TEX11: variants seen among roughly 807,000 people sequenced by gnomAD.
The protein encoded by TEX11 is testis expressed 11.
In TEX11, 7 loss-of-function variants were observed where a neutral mutation model predicts 84.4. The ratio of observed to expected loss-of-function variants is 0.08; its 90% CI spans 0.05 to 0.16. TEX11 has a LOEUF of 0.16. Among genes scored for constraint, TEX11 ranks in the 10% least tolerant of loss-of-function variants. The pLI is 1.00. For synonymous variants in TEX11, 264 were observed against 222.8 expected, an observed-to-expected ratio of 1.18 and a Z score of -1.64; for missense variants, 551 against 660.5, an observed-to-expected ratio of 0.83 and a Z score of 1.82.
chrX:70,717,859 C>T (rs980469753), intron 13 of TEX11, among the ~76,000 whole-genome samples: 4 of 111,655 alleles, frequency 3.6e-5, no homozygotes, highest in Non-Finnish European at 7.5e-5. Flanking sequence ...ATTAACCGAA[C>T]GATGGTATAA....
intron 8 of TEX11, among the ~76,000 whole-genome samples, chrX:70,815,066 C>T (rs1329006859): frequency 9.0e-6 from 1 of 111,652 alleles, no homozygotes; most frequent in Non-Finnish European, 1.9e-5. Context: ...GTCATACACT[C>T]TCACTTTACA....
At chrX:70,697,418 T>C (rs1274074054) in intron 13 of TEX11, among the ~76,000 whole-genome samples, 1 of 111,740 alleles carries the variant, frequency 8.9e-6, no homozygotes, top group African/African-American at 3.2e-5. Flanking sequence ...CTCGTTCCAA[T>C]ATACCACATG....
chrX:70,605,287 C>T, intron 24 of TEX11, 114 bp downstream of exon 24: 1 of 471,651 alleles, frequency 2.1e-6, no homozygotes, highest in Non-Finnish European at 3.6e-6. Flanking sequence ...CAAGACGATG[C>T]TGGAGTGGAG....
At chrX:70,634,727 A>T (rs939441545) in intron 17 of TEX11, among the ~76,000 whole-genome samples, 19 of 108,215 alleles carry the variant, frequency 1.8e-4, no homozygotes, top group Non-Finnish European at 2.3e-4. Context: ...AAAAAAAAAA[A>T]TTTTCAATCC....
intron 20 of TEX11, among the ~76,000 whole-genome samples, chrX:70,614,172 A>T (rs2089293472): frequency 9.0e-6 from 1 of 111,479 alleles, no homozygotes; most frequent in South Asian, 3.8e-4. Flanking sequence ...AGGGAAAAGT[A>T]AAGAGGACTT....
At chrX:70,804,623 T>C (rs1220818054) in intron 9 of TEX11, among the ~76,000 whole-genome samples, 1 of 112,165 alleles carries the variant, frequency 8.9e-6, no homozygotes, top group Non-Finnish European at 1.9e-5. Context: ...ACTGGTGCTA[T>C]ATAAATTTGT....
At chrX:70,660,403 A>G (rs183252542) in intron 16 of TEX11, among the ~76,000 whole-genome samples, 31 of 113,036 alleles carry the variant, frequency 2.7e-4, no homozygotes, top group African/African-American at 9.3e-4. Context: ...TTAAAATACA[A>G]ACATTGTACA....
intron 25 of TEX11, among the ~76,000 whole-genome samples, chrX:70,568,188 T>C (rs2088523078): frequency 9.0e-6 from 1 of 111,578 alleles, no homozygotes; most frequent in South Asian, 3.8e-4. Context: ...TTGATCTTTG[T>C]TGGTTTAAAG....
chrX:70,544,646 C>A (rs1236398574), intron 28 of TEX11, among the ~76,000 whole-genome samples: 1 of 110,116 alleles, frequency 9.1e-6, no homozygotes, highest in Non-Finnish European at 1.9e-5. Flanking sequence ...TTGAGACCAG[C>A]CTGACCAACA....
chrX:70,848,159 T>C lies in TEX11; in HGVS notation c.525+4875A>G, dbSNP rs758657757. Among the ~76,000 whole-genome samples the C allele has an allele frequency of 1.9e-4, 21 of 112,124 alleles. No individual in the cohort carries two copies. The South Asian group carries it at 3.3e-3, about 18-fold the overall frequency. ...CACTAGGTGCCACCAAACCTCTTCC[T>C]AAACACTTTCAATCACCCCAGTACC... On this transcript the variant is annotated intron_variant, in intron 7 of 29. Coordinates refer to ENST00000374333, the MANE Select transcript of TEX11 (RefSeq NM_031276.3).
At chrX:70,621,064 A>G (rs1310188123) in intron 20 of TEX11, among the ~76,000 whole-genome samples, 1 of 111,061 alleles carries the variant, frequency 9.0e-6, no homozygotes, top group Non-Finnish European at 1.9e-5. Flanking sequence ...TAAATTATGG[A>G]CTTCAAATGA....
intron 14 of TEX11, among the ~76,000 whole-genome samples, chrX:70,681,535 C>G (rs1279899488): frequency 2.7e-5 from 3 of 111,904 alleles, no homozygotes; most frequent in Non-Finnish European, 5.6e-5. Context: ...TTTTCTTGAC[C>G]ACTTGAGGTC....
chrX:70,801,657 CTTTCTTTCTTTCTTTCTTTCTT>C (rs2091189281), intron 9 of TEX11, among the ~76,000 whole-genome samples: 1 of 93,464 alleles, frequency 1.1e-5, no homozygotes, highest in East Asian at 3.5e-4. Flanking sequence ...TTCTTTCTTT[CTTTCTTTCTTTCTTTCTTTCTT>C]TCTTTCTTCT....
the TEX11 span, among the ~76,000 whole-genome samples, chrX:70,520,340 T>C: frequency 8.9e-6 from 1 of 112,476 alleles, no homozygotes; most frequent in Non-Finnish European, 1.9e-5. Context: ...ATGCTATTTC[T>C]TTCTGTTAGT....
chrX:70,825,587 A>G (rs2091341030), intron 8 of TEX11, among the ~76,000 whole-genome samples: 1 of 111,778 alleles, frequency 8.9e-6, no homozygotes, highest in African/African-American at 3.2e-5. Context: ...CCTGTGGGCC[A>G]ATATGGATGG....
At chrX:70,734,087 A>T (rs1369974414) in intron 11 of TEX11, among the ~76,000 whole-genome samples, 1 of 110,568 alleles carries the variant, frequency 9.0e-6, no homozygotes, top group Admixed American at 9.7e-5. Context: ...TCTCACTCAT[A>T]GGTGGGAATT....
At chrX:70,744,289 T>C in intron 9 of TEX11, 70 bp from the exon 10 acceptor site, 2 of 469,479 alleles carry the variant, frequency 4.3e-6, no homozygotes, top group African/African-American at 2.6e-5. Context: ...TATATATAAT[T>C]TTCAAGATTA....
At chrX:70,578,919 C>T (rs1293957987) in intron 25 of TEX11, among the ~76,000 whole-genome samples, 2 of 107,044 alleles carry the variant, frequency 1.9e-5, no homozygotes, top group Non-Finnish European at 3.9e-5. Context: ...TACAGGCGCC[C>T]ACCACCACAC....
intron 8 of TEX11, among the ~76,000 whole-genome samples, chrX:70,825,091 A>G (rs73213078): frequency 0.13 from 13,921 of 110,674 alleles, 769 homozygotes; most frequent in Middle Eastern, 0.26. Flanking sequence ...AGGCGGGCAG[A>G]TCACTTGAGG....
Sources: allele counts gnomAD v4.1 joint callset (sites outside exome capture counted in the v4.1 genomes callset), GRCh38; gene constraint gnomAD v4.1.1; transcripts MANE v1.5; gene names NCBI Gene and HGNC (gene_info 2026-07-23, HGNC 2026-07-21).